WDFY3: variants seen among roughly 807,000 people sequenced by gnomAD.
WDFY3 encodes WD repeat and FYVE domain containing 3, also known as WD repeat and FYVE domain-containing protein 3.
A neutral mutation model predicts 409.6 loss-of-function variants in WDFY3; 66 were observed. That is an observed-to-expected ratio of 0.16 (90% CI 0.13 to 0.20). WDFY3 has a LOEUF of 0.20. Ranked by LOEUF, WDFY3 falls within the 10% of genes least tolerant of loss-of-function variation. WDFY3 has a pLI of 1.00. For missense variants in WDFY3, 3,031 were observed against 4,298.1 expected (o/e 0.71, Z 8.24); for synonymous variants, 1,521 against 1,537.1 (o/e 0.99, Z 0.25).
Position 84,749,511 on chromosome 4 carries a change from T to TTGGCC in WDFY3, c.5973+1971_5973+1972insGGCCA, listed in dbSNP as rs1163185891. Among the ~76,000 whole-genome samples, 5 of 152,178 alleles carry TTGGCC rather than the reference T, an allele frequency of 3.3e-5. No individual in the cohort carries two copies. In the East Asian group the frequency reaches 9.6e-4, roughly 29 times the overall value. ...TGACAGGCTCCTGGCAACTGCAACTTTAAGTGAAACAATGTACAGCAGGTC... is the reference window on the plus strand; with the variant it reads ...TGACAGGCTCCTGGCAACTGCAACTTTGGCCTAAGTGAAACAATGTACAGCAGGTC... On this transcript the variant is annotated intron_variant, in intron 36 of 67. Coordinates refer to ENST00000295888, the MANE Select transcript of WDFY3 (RefSeq NM_014991.6).
intron 2 of WDFY3, among the ~76,000 whole-genome samples, chr4:84,913,771 GA>G (rs1768095326): frequency 6.6e-6 from 1 of 150,958 alleles, no homozygotes; most frequent in Non-Finnish European, 1.5e-5. Flanking sequence ...AAAAAAGGAA[GA>G]AAAATTATAA....
chr4:84,718,941 A>G lies in WDFY3; in HGVS notation c.7606-371T>C, dbSNP rs114467441. 4.3e-3 allele frequency among the ~76,000 whole-genome samples: 654 copies of G among 152,328 alleles called. 4 individuals are homozygous for G. The highest frequency in any genetic ancestry group is 0.015 in the African/African-American group (612 of 41,568). On this transcript the variant is annotated intron_variant, in intron 47 of 67. Coordinates refer to ENST00000295888, the MANE Select transcript of WDFY3 (RefSeq NM_014991.6). ...GAGGCATACATGTAAGGAGATTAGA[A>G]TAGGATTGTGTTCTATGTGAGGCAA...
At chr4:84,960,542 G>A (rs1025338507) in intron 1 of WDFY3, among the ~76,000 whole-genome samples, 1 of 152,180 alleles carries the variant, frequency 6.6e-6, no homozygotes, top group African/African-American at 2.4e-5. Flanking sequence ...GAGAACTGTT[G>A]AGATGTTTAA....
At position 84,671,901 on chromosome 4, in the gene WDFY3, T is replaced by C. The variant is rs981160820; in HGVS notation, c.*967A>G. The C allele has an allele frequency of 6.6e-6, 1 of 152,400 alleles. No homozygotes were observed. Among genetic ancestry groups the C allele is most frequent in the Non-Finnish European group, 1.5e-5 (1 of 68,038 alleles). The allele number at this position is 152,400 out of a possible 1,614,324, so 9.4% of individuals were successfully genotyped here. On this transcript the variant is annotated 3_prime_UTR_variant, in exon 68 of 68. Coordinates refer to ENST00000295888, the MANE Select transcript of WDFY3 (RefSeq NM_014991.6). ...AAAGACACATACTTATTATGTTCTA[T>C]GCAAGATAAGCTAATTTTGGGTTAC...
Position 84,669,764 on chromosome 4 carries a change from T to C in WDFY3, c.*3104A>G, listed in dbSNP as rs571303038. On this transcript the variant is annotated 3_prime_UTR_variant, in exon 68 of 68. Transcript: ENST00000295888. Reference sequence around the variant, plus strand: ...GAAACAGATATTGGTTTCTGCAATATAGTATAAAAGTCCACAATCAATCCA... The same window carrying C: ...GAAACAGATATTGGTTTCTGCAATACAGTATAAAAGTCCACAATCAATCCA... 4 of 150,116 alleles carry C rather than the reference T, an allele frequency of 2.7e-5. No individual in the cohort carries two copies. Among genetic ancestry groups the C allele is most frequent in the South Asian group, 2.2e-4 (1 of 4,456 alleles). The allele number at this position is 150,116 out of a possible 1,614,324, so 9.3% of individuals were successfully genotyped here.
chr4:84,910,884 ATT>A (rs1234247769), intron 2 of WDFY3, among the ~76,000 whole-genome samples: 11 of 136,380 alleles, frequency 8.1e-5, no homozygotes, highest in Admixed American at 7.4e-5. Flanking sequence ...TTTTTTCTGT[ATT>A]TTTTTTTTTT....
At position 84,733,414 on chromosome 4, in the gene WDFY3, C is replaced by T. The variant is rs372927647; in HGVS notation, c.7189G>A (p.Val2397Met). The T allele has an allele frequency of 3.6e-5, 58 of 1,613,908 alleles. No homozygotes were observed. Among genetic ancestry groups the T allele is most frequent in the Non-Finnish European group, 4.5e-5 (53 of 1,179,982 alleles). The change falls in exon 44 of 68, where the codon GTG (valine) becomes ATG (methionine). Residue 2397 changes from valine (V) to methionine (M), a missense_variant. Transcript: ENST00000295888. ...NDMFYNHYPY[V>M]PETEQETNVA... The stretch of plus-strand genomic sequence containing the variant: ...TTTGTCTCTTGCTCAGTTTCTGGCA[C>T]GTAAGGGTAATGGTTATAAAACATA...
chr4:84,749,806 G>GTACTCC (rs1740183942), intron 36 of WDFY3, among the ~76,000 whole-genome samples: 1 of 152,130 alleles, frequency 6.6e-6, no homozygotes, highest in South Asian at 2.1e-4. Context: ...TCCCTGAACT[G>GTACTCC]TACTCCTACT....
At chr4:84,674,570 A>G (rs1456622810) in intron 67 of WDFY3, among the ~76,000 whole-genome samples, 1 of 151,374 alleles carries the variant, frequency 6.6e-6, no homozygotes, top group Non-Finnish European at 1.5e-5. Flanking sequence ...ACCCCATCTC[A>G]AGAAATATAT....
intron 67 of WDFY3, among the ~76,000 whole-genome samples, chr4:84,674,849 C>T (rs1360430303): frequency 1.3e-5 from 2 of 151,514 alleles, no homozygotes; most frequent in African/African-American, 4.8e-5. Flanking sequence ...GCCTGGGTGA[C>T]AGAGTGAGAC....
At chr4:84,828,910 T>C in intron 9 of WDFY3, 94 bp downstream of exon 9, 1 of 1,298,404 alleles carries the variant, frequency 7.7e-7, no homozygotes, top group African/African-American at 1.5e-5. Flanking sequence ...GTTTCCTTAA[T>C]TTGCTTTTCC....
chr4:84,702,779 T>A (rs961886254), intron 55 of WDFY3, among the ~76,000 whole-genome samples: 5 of 152,204 alleles, frequency 3.3e-5, no homozygotes, highest in Admixed American at 6.5e-5. Context: ...TAGTAGATTT[T>A]AAAGAGAGGA....
At chr4:84,917,489 T>G (rs972433474) in intron 2 of WDFY3, among the ~76,000 whole-genome samples, 2 of 152,184 alleles carry the variant, frequency 1.3e-5, no homozygotes, top group African/African-American at 4.8e-5. Context: ...TTAAAAAAGT[T>G]AAAAGTAAAA....
At chr4:84,864,225 G>A (rs975159719) in intron 3 of WDFY3, among the ~76,000 whole-genome samples, 4 of 151,964 alleles carry the variant, frequency 2.6e-5, no homozygotes, top group Non-Finnish European at 4.4e-5. Flanking sequence ...AAAATTAGCT[G>A]AGCATGGTGG....
intron 46 of WDFY3, among the ~76,000 whole-genome samples, chr4:84,722,213 C>T (rs1049093200): frequency 3.9e-5 from 6 of 152,080 alleles, no homozygotes; most frequent in South Asian, 2.1e-4. Context: ...CATGGCAAAA[C>T]CCCGTCTCTA....
intron 4 of WDFY3, among the ~76,000 whole-genome samples, chr4:84,850,928 G>GGTTTTT (rs1758863108): frequency 2.2e-5 from 1 of 46,220 alleles, no homozygotes; most frequent in Admixed American, 2.6e-4. Context: ...TTATTTATCT[G>GGTTTTT]TTTTTTTTTT....
At chr4:84,861,493 T>C (rs1343600654) in intron 3 of WDFY3, among the ~76,000 whole-genome samples, 3 of 152,196 alleles carry the variant, frequency 2.0e-5, no homozygotes, top group Non-Finnish European at 4.4e-5. Context: ...TATCCTACTT[T>C]ATCCTATAAA....
rs373206821 is a variant in WDFY3, at chr4:84,878,756, C to T, written c.-31-18134G>A. 4.6e-5 allele frequency among the ~76,000 whole-genome samples: 7 copies of T among 152,264 alleles called. No homozygotes were observed. In the East Asian group the frequency reaches 1.2e-3, roughly 25 times the overall value. On this transcript the variant is annotated intron_variant, in intron 3 of 67. Coordinates refer to ENST00000295888, the MANE Select transcript of WDFY3 (RefSeq NM_014991.6). ...ACGTGTTACCAAAAATGGAATTTCC[C>T]AGTGTACTCATGTGCTTTAGTTTCA...
chr4:84,952,845 T>A (rs927490802), intron 1 of WDFY3, among the ~76,000 whole-genome samples: 1 of 152,130 alleles, frequency 6.6e-6, no homozygotes, highest in Non-Finnish European at 1.5e-5. Context: ...CATGGTAGAT[T>A]GGTGCAGCCA....
Sources: gnomAD v4.1 joint callset for allele counts (sites outside exome capture counted in the v4.1 genomes callset) on GRCh38, gnomAD v4.1.1 for gene constraint, MANE v1.5 for transcripts, NCBI Gene and HGNC (gene_info 2026-07-23, HGNC 2026-07-21) for gene names.